The following SUGP1 variants were observed in gnomAD, a reference collection of about 807,000 sequenced individuals.
SUGP1 encodes the protein SURP and G-patch domain-containing protein 1.
Under a neutral mutation model 76.5 loss-of-function variants are expected in SUGP1, and 34 were observed. The ratio of observed to expected loss-of-function variants is 0.44; its 90% CI spans 0.34 to 0.59. The LOEUF (loss-of-function observed/expected upper bound fraction) is 0.59, where lower values mean the gene tolerates loss of function less well. SUGP1 is among the 20% of genes least tolerant of loss of function. The pLI is 0.01. For synonymous variants in SUGP1, 326 were observed against 326.2 expected (o/e 1.00, Z 0.01); for missense variants, 752 against 851.7 (o/e 0.88, Z 1.46).
At chr19:19,315,838 T>TG (rs2061390351) in intron 2 of SUGP1, among the ~76,000 whole-genome samples, 1 of 151,594 alleles carries the variant, frequency 6.6e-6, no homozygotes, top group Admixed American at 6.6e-5. Context: ...GGTTTTTTTT[T>TG]GTTTTTTTTT....
At chr19:19,302,213 A>G (rs1258664119) in intron 7 of SUGP1, 52 bp downstream of exon 7, 3 of 1,608,272 alleles carry the variant, frequency 1.9e-6, no homozygotes, top group East Asian at 4.5e-5. Flanking sequence ...CCTCCCCTGC[A>G]GGGGGACTGT....
chr19:19,277,259 G>GGA (rs1568615912), intron 12 of SUGP1, among the ~76,000 whole-genome samples, 183 bp from the exon 13 acceptor site: 2 of 150,164 alleles, frequency 1.3e-5, no homozygotes, highest in East Asian at 4.0e-4. Flanking sequence ...GGCGGGGGGG[G>GGA]GGGGCCTAGG....
chr19:19,293,909 G>T (rs919289449), intron 8 of SUGP1, among the ~76,000 whole-genome samples: 1 of 152,196 alleles, frequency 6.6e-6, no homozygotes, highest in African/African-American at 2.4e-5. Flanking sequence ...AACAGACCGG[G>T]TGCAGTAGCT....
At position 19,305,956 on chromosome 19, in the gene SUGP1, T is replaced by C; in HGVS notation, c.431A>G (p.Lys144Arg). Residue 144 changes from lysine to arginine, a missense_variant, in exon 4 of 14, where the codon AAG becomes AGG. Lys to Arg is a conservative substitution (Grantham distance 26). Transcript: ENST00000247001. ...LGLASLPGPV[K>R]SYSHAKQLPV... ...CAGCTGCTTGGCGTGGGAGTAGCTCTTCACAGGGCCCGGCAGGCTGGCCAG... is the reference window on the plus strand; with the variant it reads ...CAGCTGCTTGGCGTGGGAGTAGCTCCTCACAGGGCCCGGCAGGCTGGCCAG... 1 of 1,613,014 alleles carries C rather than the reference T, an allele frequency of 6.2e-7. No homozygotes were observed. Among genetic ancestry groups the C allele is most frequent in the Non-Finnish European group, 8.5e-7 (1 of 1,179,924 alleles).
Position 19,303,237 on chromosome 19 carries a change from C to A in SUGP1, c.763+111G>T, listed in dbSNP as rs1044246579. 5.7e-6 allele frequency: 5 copies of A among 873,628 alleles called. No homozygotes were observed. In the African/African-American group the frequency reaches 8.3e-5, roughly 14 times the overall value. 54.1% of individuals were successfully genotyped at this position (873,628 alleles called of 1,614,324 possible). On this transcript the variant is annotated intron_variant, in intron 6 of 13. Coordinates refer to ENST00000247001, the MANE Select transcript of SUGP1 (RefSeq NM_172231.4). ...TGCCTGGGAGAATACAGGCCTCAAC[C>A]ACCGGTGCCACACAGTGCCACTCCA...
At chr19:19,289,940 A>C (rs2061169045) in intron 8 of SUGP1, among the ~76,000 whole-genome samples, 1 of 151,782 alleles carries the variant, frequency 6.6e-6, no homozygotes, top group Non-Finnish European at 1.5e-5. Context: ...AGTCAAGAAT[A>C]CAAGGAACTA....
rs932537529 is a variant in SUGP1 at position 19,276,589 on chromosome 19, G to A, written c.*59C>T. The A allele has an allele frequency of 1.4e-5, 22 of 1,606,880 alleles. No homozygotes were observed. The highest frequency in any genetic ancestry group is 8.3e-5 in the Admixed American group (5 of 59,896). On this transcript the variant is annotated 3_prime_UTR_variant, in exon 14 of 14. Coordinates refer to ENST00000247001, the MANE Select transcript of SUGP1 (RefSeq NM_172231.4). ...GAAGGGGTGGGCAGAAATGCAGGCC[G>A]GAACATTCCACAGTCCAGGGACGGT...
intron 9 of SUGP1, among the ~76,000 whole-genome samples, chr19:19,279,972 G>A (rs1246824185): frequency 2.0e-5 from 3 of 152,230 alleles, no homozygotes; most frequent in Non-Finnish European, 4.4e-5. Flanking sequence ...CAGGCAGGCT[G>A]AGAGGCCACT....
chr19:19,312,058 G>C (rs1180615592), intron 2 of SUGP1, among the ~76,000 whole-genome samples: 4 of 152,010 alleles, frequency 2.6e-5, no homozygotes, highest in Non-Finnish European at 2.9e-5. Context: ...AGGCAATATG[G>C]AGAAAACCCC....
Position 19,302,221 on chromosome 19 carries a change from T to G in SUGP1, c.887+44A>C, listed in dbSNP as rs752793912. ...CCAGTGTCCTCCCCTGCAGGGGGAC[T>G]GTGGCCAGGGTGACGGTCACCTCCC... On this transcript the variant is annotated intron_variant, in intron 7 of 13. Coordinates refer to ENST00000247001, the MANE Select transcript of SUGP1 (RefSeq NM_172231.4). The G allele has an allele frequency of 1.9e-6, 3 of 1,610,388 alleles. No homozygotes were observed. In the East Asian group the frequency reaches 6.7e-5, roughly 36 times the overall value.
chr19:19,304,009 G>C, intron 4 of SUGP1, 162 bp from the exon 5 acceptor site: 5 of 1,589,028 alleles, frequency 3.1e-6, no homozygotes, highest in East Asian at 2.2e-5. Context: ...ACCATGACGA[G>C]GGGGGAGTCG....
intron 8 of SUGP1, among the ~76,000 whole-genome samples, chr19:19,281,700 A>C (rs955083730): frequency 8.5e-5 from 13 of 152,198 alleles, no homozygotes. Flanking sequence ...GCGCCAGTGA[A>C]GGTGGAGTGA....
intron 3 of SUGP1, among the ~76,000 whole-genome samples, 176 bp downstream of exon 3, chr19:19,309,921 A>G (rs1056029163): frequency 6.6e-6 from 1 of 152,270 alleles, no homozygotes; most frequent in East Asian, 1.9e-4. Flanking sequence ...CAAAAAAAAA[A>G]TTATTTATGT....
intron 3 of SUGP1, among the ~76,000 whole-genome samples, chr19:19,308,324 C>T (rs749223857): frequency 2.0e-5 from 3 of 152,112 alleles, no homozygotes; most frequent in South Asian, 2.1e-4. Flanking sequence ...CATAAGCCAC[C>T]GCACCCAGCC....
chr19:19,311,772 A>T (rs1384834360), intron 2 of SUGP1, among the ~76,000 whole-genome samples: 2 of 151,156 alleles, frequency 1.3e-5, no homozygotes, highest in Non-Finnish European at 2.9e-5. Flanking sequence ...GCCCAAAGAA[A>T]TGCTTGCAGA....
intron 3 of SUGP1, among the ~76,000 whole-genome samples, chr19:19,308,366 G>A (rs1252240149): frequency 6.6e-6 from 1 of 152,184 alleles, no homozygotes; most frequent in Non-Finnish European, 1.5e-5. Flanking sequence ...AAGAGAATAC[G>A]ACGTGTGTTA....
chr19:19,309,860 C>T (rs1025208193), intron 3 of SUGP1, among the ~76,000 whole-genome samples: 2 of 152,146 alleles, frequency 1.3e-5, no homozygotes, highest in Non-Finnish European at 2.9e-5. Context: ...TGCAGTGAGC[C>T]GAGATCGCGC....
At chr19:19,311,465 C>T (rs1328500731) in intron 2 of SUGP1, among the ~76,000 whole-genome samples, 3 of 151,884 alleles carry the variant, frequency 2.0e-5, no homozygotes, top group Non-Finnish European at 2.9e-5. Flanking sequence ...CGGTGGCTCA[C>T]GCCTGTAATC....
intron 7 of SUGP1, among the ~76,000 whole-genome samples, chr19:19,300,963 A>C (rs1308425664): frequency 2.6e-5 from 4 of 152,224 alleles, no homozygotes; most frequent in African/African-American, 9.6e-5. Flanking sequence ...GGCCTTGGAC[A>C]GAATTCCATA....
Sources: allele counts gnomAD v4.1 joint callset (sites outside exome capture counted in the v4.1 genomes callset), GRCh38; gene constraint gnomAD v4.1.1; transcripts MANE v1.5; gene names NCBI Gene and HGNC (gene_info 2026-07-23, HGNC 2026-07-21).